PDS5A: variants seen among roughly 807,000 people sequenced by gnomAD.
PDS5A encodes PDS5 cohesin associated factor A.
PDS5A carries 42 observed loss-of-function variants against 167.1 expected under a neutral mutation model. That is an observed-to-expected ratio of 0.25 (90% CI 0.20 to 0.33). PDS5A has a LOEUF of 0.33. PDS5A is among the 10% of genes least tolerant of loss of function. The probability of loss-of-function intolerance (pLI) is 1.00; values close to 1 mark genes in which losing one functional copy is unlikely to be tolerated. For missense variants in PDS5A, 1,033 were observed against 1,605.9 expected (o/e 0.64, Z 6.10); for synonymous variants, 553 against 554.6 (o/e 1.00, Z 0.04).
chr4:39,964,787 A>G (rs935117134), intron 2 of PDS5A, among the ~76,000 whole-genome samples: 1 of 152,062 alleles, frequency 6.6e-6, no homozygotes, highest in African/African-American at 2.4e-5. Flanking sequence ...GGTGAAACAC[A>G]TAAAAATTAG....
chr4:39,943,409 C>G (rs983549077), intron 2 of PDS5A, among the ~76,000 whole-genome samples: 2 of 151,882 alleles, frequency 1.3e-5, no homozygotes, highest in Non-Finnish European at 2.9e-5. Flanking sequence ...TTATTTCATA[C>G]CTAAATTGTG....
At chr4:39,976,364 C>A in intron 2 of PDS5A, 76 bp downstream of exon 2, 2 of 1,290,248 alleles carry the variant, frequency 1.6e-6, no homozygotes. Context: ...CTTTAAAGGC[C>A]AGACTGAGCA....
At chr4:39,884,031 T>C (rs1284338970) in intron 17 of PDS5A, among the ~76,000 whole-genome samples, 1 of 151,734 alleles carries the variant, frequency 6.6e-6, no homozygotes, top group Non-Finnish European at 1.5e-5. Context: ...TAGGTTCAAG[T>C]GATTCTCCAG....
At chr4:39,877,992 C>T (rs571147437) in intron 18 of PDS5A, among the ~76,000 whole-genome samples, 1 of 152,114 alleles carries the variant, frequency 6.6e-6, no homozygotes, top group Admixed American at 6.5e-5. Context: ...TATAATTATT[C>T]CCTTATTATA....
chr4:39,876,168 GA>G, intron 19 of PDS5A, among the ~76,000 whole-genome samples: 1 of 152,096 alleles, frequency 6.6e-6, no homozygotes, highest in East Asian at 1.9e-4. Context: ...TTCCTCCCTT[GA>G]AAAACTCATC....
intron 11 of PDS5A, among the ~76,000 whole-genome samples, 175 bp downstream of exon 11, chr4:39,908,220 A>G (rs969483381): frequency 6.6e-6 from 1 of 152,228 alleles, no homozygotes. Flanking sequence ...CATTGTATTT[A>G]TTCATAAGGA....
At chr4:39,846,088 T>G (rs1717566371) in intron 28 of PDS5A, 1 of 348,124 alleles carries the variant, frequency 2.9e-6, no homozygotes, top group East Asian at 5.2e-5. Flanking sequence ...CACGCAGACT[T>G]AGGCAAATGT....
At chr4:39,968,130 T>C (rs929732057) in intron 2 of PDS5A, among the ~76,000 whole-genome samples, 2 of 152,032 alleles carry the variant, frequency 1.3e-5, no homozygotes, top group Non-Finnish European at 2.9e-5. Context: ...TTTTTTTAAT[T>C]TTTATTGTAA....
intron 30 of PDS5A, among the ~76,000 whole-genome samples, chr4:39,843,655 C>A (rs1383488961): frequency 6.6e-6 from 1 of 152,092 alleles, no homozygotes; most frequent in African/African-American, 2.4e-5. Flanking sequence ...CGTGAGCTGA[C>A]ATCCCATCAC....
chr4:39,884,850 T>A (rs993171453), intron 17 of PDS5A, among the ~76,000 whole-genome samples: 1 of 152,218 alleles, frequency 6.6e-6, no homozygotes, highest in African/African-American at 2.4e-5. Flanking sequence ...TTCATTTTCA[T>A]CTACTTCCTA....
chr4:39,884,090 G>C (rs1007435960), intron 17 of PDS5A, among the ~76,000 whole-genome samples: 1 of 151,980 alleles, frequency 6.6e-6, no homozygotes, highest in Admixed American at 6.6e-5. Flanking sequence ...CACCACGTCA[G>C]GCTAATTTTT....
intron 2 of PDS5A, among the ~76,000 whole-genome samples, chr4:39,936,371 T>C (rs1018424134): frequency 2.6e-5 from 4 of 152,276 alleles, no homozygotes; most frequent in East Asian, 1.9e-4. Flanking sequence ...AGGTTTCCTA[T>C]AGCCTCCTCA....
chr4:39,926,536 GAAAT>G (rs1725487390), intron 4 of PDS5A, among the ~76,000 whole-genome samples: 1 of 140,634 alleles, frequency 7.1e-6, no homozygotes, highest in Non-Finnish European at 1.6e-5. Context: ...AAAAAAGAAA[GAAAT>G]AGATACAAAC....
chr4:39,839,843 T>C (rs374727046), intron 31 of PDS5A, among the ~76,000 whole-genome samples: 11 of 151,490 alleles, frequency 7.3e-5, no homozygotes, highest in South Asian at 4.2e-4. Flanking sequence ...GAGCCGTAAT[T>C]CCAGCACTTT....
intron 2 of PDS5A, chr4:39,973,223 G>C: frequency 1.5e-6 from 2 of 1,346,226 alleles, no homozygotes; most frequent in Non-Finnish European, 2.1e-6. Context: ...ATGAACCTTA[G>C]AACAGAGTGA....
At position 39,959,962 on chromosome 4, in the gene PDS5A, C is replaced by T. The variant is rs141504555; in HGVS notation, c.138+16478G>A. ...CAAAAATTAGGTGGGCATGGTGGTA[C>T]GTAACCAGCAGTCCCACCAACTTGG... On this transcript the variant is annotated intron_variant, in intron 2 of 32. Coordinates refer to ENST00000303538, the MANE Select transcript of PDS5A (RefSeq NM_001100399.2). Among the ~76,000 whole-genome samples, 111 of 152,136 alleles carry T rather than the reference C, an allele frequency of 7.3e-4. No homozygotes were observed. The Middle Eastern group carries it at 0.017, about 23-fold the overall frequency.
chr4:39,973,838 C>T lies in PDS5A; in HGVS notation c.138+2602G>A, dbSNP rs1162905290. The T allele has an allele frequency of 4.8e-6, 5 of 1,046,590 alleles. No homozygotes were observed. In the Admixed American group the frequency reaches 8.5e-5, roughly 18 times the overall value. The allele number at this position is 1,046,590 out of a possible 1,614,324, so 64.8% of individuals were successfully genotyped here. On this transcript the variant is annotated intron_variant, in intron 2 of 32. Transcript: ENST00000303538. The stretch of plus-strand genomic sequence containing the variant: ...GCTATTCCACAGACTCAGAACCGTG[C>T]TGCAAGACCGGGCGCGGTGGCTCAC...
At chr4:39,930,246 A>AAT in intron 2 of PDS5A, among the ~76,000 whole-genome samples, 9 of 93,152 alleles carry the variant, frequency 9.7e-5, no homozygotes, top group African/African-American at 1.5e-4. Context: ...AAAAAAAAAA[A>AAT]GTTTTTTTGT....
At chr4:39,909,402 C>T (rs1156523118) in intron 10 of PDS5A, among the ~76,000 whole-genome samples, 4 of 151,974 alleles carry the variant, frequency 2.6e-5, no homozygotes, top group Admixed American at 1.3e-4. Context: ...GGGGATTACA[C>T]GCGTGAGCCA....
Sources: gnomAD v4.1 joint callset for allele counts (sites outside exome capture counted in the v4.1 genomes callset) on GRCh38, gnomAD v4.1.1 for gene constraint, MANE v1.5 for transcripts, NCBI Gene and HGNC (gene_info 2026-07-23, HGNC 2026-07-21) for gene names.